NEGR1: variants seen among roughly 807,000 people sequenced by gnomAD.
NEGR1 encodes the protein neuronal growth regulator 1.
A neutral mutation model predicts 40.9 loss-of-function variants in NEGR1; 10 were observed. That is an observed-to-expected ratio of 0.24 (90% CI 0.15 to 0.42). The LOEUF (loss-of-function observed/expected upper bound fraction) is 0.42, where lower values mean the gene tolerates loss of function less well. NEGR1 is among the 10% of genes least tolerant of loss of function. NEGR1 has a pLI of 1.00. For synonymous variants in NEGR1, 185 were observed against 166.8 expected, an observed-to-expected ratio of 1.11 and a Z score of -0.84; for missense variants, 352 against 438.9, an observed-to-expected ratio of 0.80 and a Z score of 1.77.
At chr1:72,278,531 A>G (rs1402153270) in intron 1 of NEGR1, among the ~76,000 whole-genome samples, 1 of 152,156 alleles carries the variant, frequency 6.6e-6, no homozygotes, top group Non-Finnish European at 1.5e-5. Context: ...CAACTGGTTC[A>G]TATTAAAGTG....
At chr1:71,508,158 A>G (rs1308025985) in intron 6 of NEGR1, among the ~76,000 whole-genome samples, 1 of 152,118 alleles carries the variant, frequency 6.6e-6, no homozygotes. Flanking sequence ...GTAGTTCACC[A>G]CTTCCAGCCT....
chr1:71,987,405 C>T (rs1324315395), intron 1 of NEGR1, among the ~76,000 whole-genome samples: 2 of 152,120 alleles, frequency 1.3e-5, no homozygotes, highest in East Asian at 1.9e-4. Context: ...AAACCACTCA[C>T]GTGGTACTGA....
rs184562588 is a variant in NEGR1, at chr1:72,147,549, C to A, written c.176+134770G>T. Among the ~76,000 whole-genome samples, 462 of 152,162 alleles carry A rather than the reference C, an allele frequency of 3.0e-3. 4 individuals are homozygous for A. Among genetic ancestry groups the A allele is most frequent in the Non-Finnish European group, 2.7e-3 (185 of 67,994 alleles). ...AAACCATATCATTTCACCCCTGGCC[C>A]CTCCAAATCTCATGTTCTCATATTT... On this transcript the variant is annotated intron_variant, in intron 1 of 6. Transcript: ENST00000357731.
chr1:71,765,388 A>AGTTT (rs1344208605), intron 3 of NEGR1, among the ~76,000 whole-genome samples: 1 of 152,208 alleles, frequency 6.6e-6, no homozygotes, highest in Non-Finnish European at 1.5e-5. Context: ...ACTTTCCAAG[A>AGTTT]GTTTGTTGAA....
intron 2 of NEGR1, among the ~76,000 whole-genome samples, chr1:71,900,438 A>G (rs1292931202): frequency 6.6e-6 from 1 of 152,180 alleles, no homozygotes; most frequent in African/African-American, 2.4e-5. Context: ...TTTTGAGGCA[A>G]TTTTAACAAT....
chr1:72,189,852 G>A (rs1652754226), intron 1 of NEGR1, among the ~76,000 whole-genome samples: 1 of 151,530 alleles, frequency 6.6e-6, no homozygotes, highest in African/African-American at 2.4e-5. Flanking sequence ...GAACACAGAT[G>A]ATAAAAGAAA....
chr1:72,259,116 A>C (rs1655370761), intron 1 of NEGR1, among the ~76,000 whole-genome samples: 1 of 152,190 alleles, frequency 6.6e-6, no homozygotes, highest in Non-Finnish European at 1.5e-5. Context: ...ACCAAACAAA[A>C]TGTTTTATGA....
chr1:71,707,985 A>G (rs992290693), intron 3 of NEGR1, among the ~76,000 whole-genome samples: 1 of 152,190 alleles, frequency 6.6e-6, no homozygotes. Context: ...TTAGATCACA[A>G]CACCAAAGTC....
intron 6 of NEGR1, among the ~76,000 whole-genome samples, chr1:71,449,098 C>G (rs2101325226): frequency 6.6e-6 from 1 of 152,294 alleles, no homozygotes; most frequent in East Asian, 1.9e-4. Flanking sequence ...GTAATAGATA[C>G]TTCCTACAGT....
At chr1:72,254,226 TG>T (rs1468605069) in intron 1 of NEGR1, among the ~76,000 whole-genome samples, 1 of 152,216 alleles carries the variant, frequency 6.6e-6, no homozygotes, top group East Asian at 1.9e-4. Context: ...GGTGTATTTA[TG>T]GCTGCTACAA....
At chr1:72,104,311 A>G (rs1334635379) in intron 1 of NEGR1, among the ~76,000 whole-genome samples, 2 of 152,174 alleles carry the variant, frequency 1.3e-5, no homozygotes, top group African/African-American at 4.8e-5. Flanking sequence ...CAATGTAATC[A>G]TAAAAGTTTT....
At chr1:71,717,398 T>A (rs79257974) in intron 3 of NEGR1, among the ~76,000 whole-genome samples, 4,083 of 152,324 alleles carry the variant, frequency 0.027, 82 homozygotes, top group South Asian at 0.044. Flanking sequence ...GTTCTTAGTA[T>A]TACTTTTTTT....
At chr1:71,585,160 A>C (rs1391910869) in intron 6 of NEGR1, among the ~76,000 whole-genome samples, 1 of 152,216 alleles carries the variant, frequency 6.6e-6, no homozygotes, top group Non-Finnish European at 1.5e-5. Flanking sequence ...TAACAAAAAT[A>C]TACAGAAGGT....
At chr1:72,015,926 T>C (rs1284956365) in intron 1 of NEGR1, among the ~76,000 whole-genome samples, 1 of 152,126 alleles carries the variant, frequency 6.6e-6, no homozygotes, top group Admixed American at 6.5e-5. Context: ...TAATCAGTCC[T>C]AAACATGAAC....
chr1:71,442,225 C>A (rs1646551595), intron 6 of NEGR1, among the ~76,000 whole-genome samples: 1 of 86,932 alleles, frequency 1.2e-5, no homozygotes. Context: ...AGGTAGCATT[C>A]CTTTTTTTTT....
chr1:72,097,279 T>C (rs945844940), intron 1 of NEGR1, among the ~76,000 whole-genome samples: 5 of 152,166 alleles, frequency 3.3e-5, no homozygotes, highest in Admixed American at 6.5e-5. Flanking sequence ...ATACCTATCT[T>C]TTAAGGTTGT....
At chr1:71,977,089 G>A (rs573197484) in intron 1 of NEGR1, among the ~76,000 whole-genome samples, 267 of 152,242 alleles carry the variant, frequency 1.8e-3, no homozygotes, top group African/African-American at 5.9e-3. Context: ...TCGGGAGGCC[G>A]AGGCGGGTGG....
chr1:71,540,794 T>C (rs923712315), intron 6 of NEGR1, among the ~76,000 whole-genome samples: 1 of 151,700 alleles, frequency 6.6e-6, no homozygotes, highest in Non-Finnish European at 1.5e-5. Context: ...ATAGGTTTAA[T>C]TGGCTAATGG....
intron 2 of NEGR1, among the ~76,000 whole-genome samples, chr1:71,925,276 A>G (rs953510033): frequency 6.6e-6 from 1 of 152,192 alleles, no homozygotes; most frequent in Non-Finnish European, 1.5e-5. Context: ...CATGACCACA[A>G]ACTGTTTAAG....
Sources: gnomAD v4.1 joint callset for allele counts (sites outside exome capture counted in the v4.1 genomes callset) on GRCh38, gnomAD v4.1.1 for gene constraint, MANE v1.5 for transcripts, NCBI Gene and HGNC (gene_info 2026-07-23, HGNC 2026-07-21) for gene names.